Variants in OR51B5 observed in about 807,000 individuals in gnomAD.
OR51B5 encodes olfactory receptor family 51 subfamily B member 5.
For synonymous variants in OR51B5, 186 were observed against 144.8 expected, an observed-to-expected ratio of 1.28 and a Z score of -2.04; for missense variants, 456 against 374.6, an observed-to-expected ratio of 1.22 and a Z score of -1.79.
At chr11:5,389,333 A>G in intron 1 of OR51B5, 1 of 1,465,990 alleles carries the variant, frequency 6.8e-7, no homozygotes, top group South Asian at 1.3e-5. Context: ...GATGTTGTGA[A>G]TGTTAGTGAA....
upstream of OR51B5, chr11:5,346,493 T>TTTTCTCTGCTTTGTTTAAAAAG (rs1302159602): frequency 8.6e-4 from 131 of 151,468 alleles, no homozygotes; most frequent in African/African-American, 3.0e-3. Context: ...CTTCTAACAT[T>TTTTCTCTGCTTTGTTTAAAAAG]TACAGCCATA....
At chr11:5,374,262 G>C (rs1471043669) in intron 1 of OR51B5, among the ~76,000 whole-genome samples, 2 of 152,160 alleles carry the variant, frequency 1.3e-5, no homozygotes, top group Non-Finnish European at 2.9e-5. Flanking sequence ...CAGACCTGCA[G>C]CTGAGGGTCC....
chr11:5,342,902 T>G, exon 1 of OR51B5: 3 of 1,613,752 alleles, frequency 1.9e-6, no homozygotes, highest in Non-Finnish European at 2.5e-6. Flanking sequence ...AATCAGATAA[T>G]CCAGCACAAA....
chr11:5,430,440 A>G (rs1325260959), intron 1 of OR51B5, among the ~76,000 whole-genome samples: 1 of 152,210 alleles, frequency 6.6e-6, no homozygotes, highest in Non-Finnish European at 1.5e-5. Context: ...AAAGTCATGT[A>G]CATGTGCACA....
intron 1 of OR51B5, among the ~76,000 whole-genome samples, chr11:5,463,891 T>G (rs1851094306): frequency 6.6e-6 from 1 of 152,210 alleles, no homozygotes; most frequent in South Asian, 2.1e-4. Flanking sequence ...TCACAAAGCC[T>G]CACCATGATT....
chr11:5,415,257 C>T (rs1850222632), intron 1 of OR51B5, among the ~76,000 whole-genome samples: 1 of 150,770 alleles, frequency 6.6e-6, no homozygotes, highest in African/African-American at 2.4e-5. Flanking sequence ...ACCAGAATCT[C>T]TGGGACACAT....
intron 1 of OR51B5, among the ~76,000 whole-genome samples, chr11:5,412,841 G>A (rs992431260): frequency 2.7e-5 from 4 of 146,240 alleles, no homozygotes; most frequent in Non-Finnish European, 4.4e-5. Context: ...GCCTGCCTCT[G>A]TAGGCTCCAC....
intron 1 of OR51B5, among the ~76,000 whole-genome samples, chr11:5,410,708 T>C (rs1589980739): frequency 6.6e-6 from 1 of 152,308 alleles, no homozygotes; most frequent in Admixed American, 6.5e-5. Context: ...GCTTCATGTA[T>C]GTTATTGTCC....
At chr11:5,470,369 A>AC (rs1247139881) in intron 1 of OR51B5, among the ~76,000 whole-genome samples, 1 of 152,094 alleles carries the variant, frequency 6.6e-6, no homozygotes, top group Non-Finnish European at 1.5e-5. Context: ...ACTTCAGCAA[A>AC]CCTCTTAATT....
At chr11:5,486,208 T>A (rs1265229481) in intron 1 of OR51B5, among the ~76,000 whole-genome samples, 1 of 152,114 alleles carries the variant, frequency 6.6e-6, no homozygotes, top group African/African-American at 2.4e-5. Context: ...AATGCCCTAA[T>A]TAGAATTTAC....
intron 1 of OR51B5, among the ~76,000 whole-genome samples, chr11:5,378,258 A>G (rs1849557719): frequency 6.6e-6 from 1 of 152,112 alleles, no homozygotes; most frequent in African/African-American, 2.4e-5. Context: ...GGCTAGCCAT[A>G]TGTAGAATGC....
At chr11:5,405,286 C>T (rs967437640) in intron 1 of OR51B5, among the ~76,000 whole-genome samples, 4 of 152,152 alleles carry the variant, frequency 2.6e-5, no homozygotes, top group Non-Finnish European at 5.9e-5. Context: ...CAGTAAACAT[C>T]TTGCTCAAAT....
chr11:5,451,372 T>C (rs927499142), intron 1 of OR51B5, among the ~76,000 whole-genome samples: 2 of 152,264 alleles, frequency 1.3e-5, no homozygotes, highest in Non-Finnish European at 2.9e-5. Context: ...TTCTCTTCTA[T>C]GTACTGTGAT....
chr11:5,453,487 C>T (rs751864277), intron 1 of OR51B5: 2 of 1,531,416 alleles, frequency 1.3e-6, no homozygotes, highest in South Asian at 1.3e-5. Context: ...GTTTGTTTTG[C>T]TATGGGGTTG....
chr11:5,462,966 T>G (rs1851081517), intron 1 of OR51B5, among the ~76,000 whole-genome samples: 2 of 152,192 alleles, frequency 1.3e-5, no homozygotes, highest in African/African-American at 4.8e-5. Context: ...TCCAAAAAAT[T>G]ACCCTCTGCA....
intron 1 of OR51B5, among the ~76,000 whole-genome samples, chr11:5,450,409 TAATTAATG>T (rs1335424890): frequency 3.9e-5 from 6 of 152,024 alleles, no homozygotes; most frequent in African/African-American, 1.2e-4. Context: ...ATGAATTAAT[TAATTAATG>T]AATAAAAATA....
intron 1 of OR51B5, among the ~76,000 whole-genome samples, chr11:5,478,885 T>C (rs2133806611): frequency 6.6e-6 from 1 of 150,868 alleles, no homozygotes; most frequent in South Asian, 2.1e-4. Flanking sequence ...CTACGTCTGA[T>C]TGGTGGACCT....
intron 1 of OR51B5, among the ~76,000 whole-genome samples, chr11:5,369,323 G>C (rs1208481018): frequency 1.3e-5 from 2 of 152,076 alleles, no homozygotes; most frequent in Non-Finnish European, 2.9e-5. Flanking sequence ...ATTAATTAAA[G>C]TTATTATTAC....
At chr11:5,422,411 A>T (rs746439667) in intron 1 of OR51B5, 3 of 1,613,784 alleles carry the variant, frequency 1.9e-6, no homozygotes, top group Non-Finnish European at 2.5e-6. Flanking sequence ...GCTGGCCCTG[A>T]CGGACCTGGG....
Sources: allele counts gnomAD v4.1 joint callset (sites outside exome capture counted in the v4.1 genomes callset), GRCh38; gene constraint gnomAD v4.1.1; transcripts MANE v1.5; gene names NCBI Gene and HGNC (gene_info 2026-07-23, HGNC 2026-07-21).